Variants in GML observed in about 807,000 individuals in gnomAD.
GML encodes the protein glycosyl-phosphatidylinositol-anchored molecule-like protein.
GML carries 5 observed loss-of-function variants against 8.2 expected under a neutral mutation model. That is an observed-to-expected ratio of 0.61 (90% CI 0.32 to 1.28). The LOEUF is 1.28. GML is among the 50% of genes most tolerant of loss of function. The pLI is 0.06. For missense variants in GML, 191 were observed against 198.3 expected, an observed-to-expected ratio of 0.96 and a Z score of 0.22; for synonymous variants, 72 against 69.0, an observed-to-expected ratio of 1.04 and a Z score of -0.22.
At position 142,845,329 on chromosome 8, in the gene GML, A is replaced by G. The variant is rs189822947; in HGVS notation, c.182-1066A>G. On this transcript the variant is annotated intron_variant, in intron 3 of 3. Coordinates refer to ENST00000220940, the MANE Select transcript of GML (RefSeq NM_002066.3). ...GTGAAGAATCCTGGGGCTCTCTTGC[A>G]GCTCTGTTTCTGATGCTGCATGCTG... 3.4e-3 allele frequency among the ~76,000 whole-genome samples: 522 copies of G among 152,342 alleles called. 5 individuals carry two copies. Among genetic ancestry groups the G allele is most frequent in the African/African-American group, 0.012 (491 of 41,582 alleles).
At chr8:142,840,084 T>C (rs1343728302) in intron 1 of GML, among the ~76,000 whole-genome samples, 2 of 151,608 alleles carry the variant, frequency 1.3e-5, no homozygotes, top group African/African-American at 4.8e-5. Context: ...CAAGCCGCTG[T>C]TGAGGTTCAG....
chr8:142,841,212 G>A lies in GML; in HGVS notation c.168G>A (p.Met56Ile). The change falls in exon 3 of 4, where the codon ATG (methionine) becomes ATA (isoleucine). Residue 56 changes from methionine to isoleucine, a missense_variant. Coordinates refer to ENST00000220940, the MANE Select transcript of GML (RefSeq NM_002066.3). ...GTCCGTATCATATTAGGCGCTGTAT[G>A]ACAATCTCCATTCGTAAGTACCTCT... ...RVCPYHIRRC[M>I]TISIRINSRE... The A allele has an allele frequency of 6.8e-7, 1 of 1,480,098 alleles. No individual in the cohort carries two copies. Among genetic ancestry groups the A allele is most frequent in the Non-Finnish European group, 9.4e-7 (1 of 1,058,958 alleles). 91.7% of individuals were successfully genotyped at this position (1,480,098 alleles called of 1,614,324 possible).
chr8:142,846,492 C>T lies in GML; in HGVS notation c.279C>T (p.Ile93=). 6.2e-7 allele frequency: 1 copy of T among 1,613,884 alleles called. No homozygotes were observed. Among genetic ancestry groups the T allele is most frequent in the Non-Finnish European group, 8.5e-7 (1 of 1,179,730 alleles). ...AGCCTCCTGAAGCCCCAGGAAAAAT[C>T]TTCAAAACTAATAGCTTCTACTGGG... ...AEQPPEAPGK[I]FKTNSFYWVC... The change falls in exon 4 of 4, where the codon ATC becomes ATT. Residue 93 remains isoleucine (I), a synonymous_variant. Coordinates refer to ENST00000220940, the MANE Select transcript of GML (RefSeq NM_002066.3).
At chr8:142,835,142 A>C (rs1816314960) in intron 1 of GML, among the ~76,000 whole-genome samples, 2 of 151,450 alleles carry the variant, frequency 1.3e-5, no homozygotes, top group African/African-American at 2.4e-5. Flanking sequence ...TCAGGGTCCC[A>C]GGGAGACCCC....
rs764137575 is a variant in GML at position 142,842,818 on chromosome 8, G to C, written c.181+1593G>C. Among the ~76,000 whole-genome samples the C allele has an allele frequency of 1.4e-3, 213 of 152,218 alleles. 1 individual carries two copies. The highest frequency in any genetic ancestry group is 2.1e-3 in the Admixed American group (32 of 15,290). The stretch of plus-strand genomic sequence containing the variant: ...TTACTTGAGAGGATAACGGTGCATG[G>C]CCTTTGATATTGCCCTGCAGAGTTG... On this transcript the variant is annotated intron_variant, in intron 3 of 3. Transcript: ENST00000220940.
At chr8:142,836,314 A>C (rs1816341385) in intron 1 of GML, among the ~76,000 whole-genome samples, 1 of 152,192 alleles carries the variant, frequency 6.6e-6, no homozygotes. Flanking sequence ...GTGTCCAGAG[A>C]GTTGGAGAAC....
chr8:142,835,442 T>C (rs1486681677), intron 1 of GML, among the ~76,000 whole-genome samples: 1 of 152,194 alleles, frequency 6.6e-6, no homozygotes, highest in Non-Finnish European at 1.5e-5. Flanking sequence ...TGTTCCACGT[T>C]CTGCTGCTCG....
chr8:142,846,494 T>C lies in GML; in HGVS notation c.281T>C (p.Phe94Ser). Residue 94 changes from phenylalanine to serine, a missense_variant, in exon 4 of 4, where the codon TTC (phenylalanine) becomes TCC (serine). Physicochemically the swap from Phe to Ser is radical, Grantham distance 155. Transcript: ENST00000220940. ...EQPPEAPGKIFKTNSFYWVCC... is the reference protein window; with the variant it reads ...EQPPEAPGKISKTNSFYWVCC... The stretch of plus-strand genomic sequence containing the variant: ...CCTCCTGAAGCCCCAGGAAAAATCT[T>C]CAAAACTAATAGCTTCTACTGGGTT... The C allele has an allele frequency of 1.2e-6, 2 of 1,614,024 alleles. No individual in the cohort carries two copies. The highest frequency in any genetic ancestry group is 1.7e-6 in the Non-Finnish European group (2 of 1,179,836).
chr8:142,836,855 C>A (rs1586542257), intron 1 of GML, among the ~76,000 whole-genome samples: 1 of 152,174 alleles, frequency 6.6e-6, no homozygotes, highest in African/African-American at 2.4e-5. Context: ...CCTTCCCCTT[C>A]TCCTACAGAG....
rs193050365 is a variant in GML, at chr8:142,840,005, C to T, written c.-22-411C>T. Among the ~76,000 whole-genome samples, 1,289 of 147,032 alleles carry T rather than the reference C, an allele frequency of 8.8e-3. 16 individuals carry two copies. Among genetic ancestry groups the T allele is most frequent in the Non-Finnish European group, 0.013 (892 of 67,390 alleles). ...CGTGTTGCTGAGCTGTGTGTGGGAGCGGGAAGCGCGTCAGTGGGCGGAGGG... is the reference window on the plus strand; with the variant it reads ...CGTGTTGCTGAGCTGTGTGTGGGAGTGGGAAGCGCGTCAGTGGGCGGAGGG... On this transcript the variant is annotated intron_variant, in intron 1 of 3. Coordinates refer to ENST00000220940, the MANE Select transcript of GML (RefSeq NM_002066.3).
intron 1 of GML, 64 bp downstream of exon 1, chr8:142,834,932 G>GAGGCAGCCCGCC (rs60054735): frequency 6.6e-6 from 1 of 151,758 alleles, no homozygotes; most frequent in African/African-American, 2.4e-5. Flanking sequence ...GGGCCCAGCT[G>GAGGCAGCCCGCC]AGGCAGCCTC....
rs80091599 is a variant in GML at position 142,843,687 on chromosome 8, T to C, written c.181+2462T>C. 1.2e-3 allele frequency among the ~76,000 whole-genome samples: 187 copies of C among 152,362 alleles called. 1 individual carries two copies. In the East Asian group the frequency reaches 0.026, roughly 21 times the overall value. ...GTTTACAAAATCAGTTGTCCTTTTG[T>C]ACATCAAGAAACAGATTGAAAATGA... On this transcript the variant is annotated intron_variant, in intron 3 of 3. Transcript: ENST00000220940.
intron 2 of GML, among the ~76,000 whole-genome samples, chr8:142,840,805 C>T (rs371868763): frequency 2.0e-5 from 3 of 152,150 alleles, no homozygotes; most frequent in Admixed American, 6.5e-5. Context: ...TGGCGGACCC[C>T]TGTGAGTATC....
chr8:142,840,606 C>A, intron 2 of GML, 96 bp downstream of exon 2: 1 of 856,598 alleles, frequency 1.2e-6, no homozygotes, highest in Non-Finnish European at 2.0e-6. Flanking sequence ...TGGAGCAAGC[C>A]TCCGTTAGCT....
At chr8:142,841,903 G>C (rs1202268091) in intron 3 of GML, among the ~76,000 whole-genome samples, 2 of 152,196 alleles carry the variant, frequency 1.3e-5, no homozygotes, top group Non-Finnish European at 2.9e-5. Context: ...TTTGTCCCCG[G>C]TGTCTGTGGT....
At position 142,846,548 on chromosome 8, in the gene GML, C is replaced by T; in HGVS notation, c.335C>T (p.Ala112Val). 1 of 1,614,032 alleles carries T rather than the reference C, an allele frequency of 6.2e-7. No individual in the cohort carries two copies. The highest frequency in any genetic ancestry group is 8.5e-7 in the Non-Finnish European group (1 of 1,179,916). The stretch of plus-strand genomic sequence containing the variant: ...TGTTGTAATAGCATGGTTTGCAATG[C>T]AGGAGGACCTACTAATCTTGAAAGG... The part of the protein sequence containing the change: ...VCCCNSMVCN[A>V]GGPTNLERDM... Residue 112 changes from alanine (A) to valine (V), a missense_variant, in exon 4 of 4, where the codon GCA (alanine) becomes GTA (valine). Ala to Val is a moderately conservative substitution (Grantham distance 64). Coordinates refer to ENST00000220940, the MANE Select transcript of GML (RefSeq NM_002066.3).
chr8:142,842,608 A>G (rs753065276), intron 3 of GML, among the ~76,000 whole-genome samples: 1 of 152,218 alleles, frequency 6.6e-6, no homozygotes, highest in Non-Finnish European at 1.5e-5. Flanking sequence ...GGTTTAGTGA[A>G]GTGAAGGACA....
At chr8:142,841,294 G>T in intron 3 of GML, 69 bp downstream of exon 3, 1 of 824,456 alleles carries the variant, frequency 1.2e-6, no homozygotes, top group Non-Finnish European at 2.1e-6. Flanking sequence ...CTGGGGCCAG[G>T]GCCAGTCTGC....
chr8:142,840,389 G>A (rs367753934), intron 1 of GML, 27 bp from the exon 2 acceptor site: 23 of 1,406,654 alleles, frequency 1.6e-5, no homozygotes, highest in Non-Finnish European at 1.9e-5. Context: ...GCTCACTAAC[G>A]TGTTGTATGG....
Sources: allele counts gnomAD v4.1 joint callset (sites outside exome capture counted in the v4.1 genomes callset), GRCh38; gene constraint gnomAD v4.1.1; transcripts MANE v1.5; gene names NCBI Gene and HGNC (gene_info 2026-07-23, HGNC 2026-07-21).